The following MYO1F variants were observed in gnomAD, a reference collection of about 807,000 sequenced individuals.
MYO1F encodes unconventional myosin-If.
A neutral mutation model predicts 146.6 loss-of-function variants in MYO1F; 60 were observed. The ratio of observed to expected loss-of-function variants is 0.41; its 90% confidence interval spans 0.33 to 0.51. The LOEUF (loss-of-function observed/expected upper bound fraction) is 0.51, where lower values mean the gene tolerates loss of function less well. Ranked by LOEUF, MYO1F falls within the 20% of genes least tolerant of loss-of-function variation. The pLI is 0.25. For synonymous variants in MYO1F, 602 were observed against 602.1 expected (o/e 1.00, Z 0.00); for missense variants, 1,274 against 1,534.3 (o/e 0.83, Z 2.83).
intron 1 of MYO1F, among the ~76,000 whole-genome samples, chr19:8,559,396 A>G (rs1006012679): frequency 6.6e-6 from 1 of 151,396 alleles, no homozygotes; most frequent in Non-Finnish European, 1.5e-5. Context: ...TGACAGTTAG[A>G]GGTTGTTGAG....
At chr19:8,550,459 T>G (rs1973556807) in intron 9 of MYO1F, 103 bp from the exon 10 acceptor site, 1 of 1,600,428 alleles carries the variant, frequency 6.2e-7, no homozygotes, top group Non-Finnish European at 8.5e-7. Context: ...GACACCCACA[T>G]TTTTTTCCTC....
chr19:8,572,269 A>AT (rs35723384), intron 1 of MYO1F, among the ~76,000 whole-genome samples: 101,566 of 150,548 alleles, frequency 0.67, 34,789 homozygotes, highest in African/African-American at 0.78. Context: ...AATTATGGGC[A>AT]TTTTTTTTTC....
In MYO1F at chr19:8,569,230, C is replaced by G. The variant is rs115484482; in HGVS notation, c.3+8077G>C. ...GTCAAAACTGTTTGTTTGTAAGTCT[C>G]TTCCTTGGGGGTGGGGATGCAACGA... is the stretch of plus-strand genomic sequence containing the variant. On this transcript the variant is annotated intron_variant, in intron 1 of 27. Transcript: ENST00000644032. Among the ~76,000 whole-genome samples, 893 of 152,228 alleles carry G rather than the reference C, an allele frequency of 5.9e-3. 11 individuals carry two copies. Among genetic ancestry groups the G allele is most frequent in the African/African-American group, 0.02 (836 of 41,556 alleles).
chr19:8,523,439 C>T (rs1190747181), intron 25 of MYO1F, among the ~76,000 whole-genome samples: 1 of 152,116 alleles, frequency 6.6e-6, no homozygotes, highest in African/African-American at 2.4e-5. Flanking sequence ...ACCTCCTGGG[C>T]TCAAGCAATC....
At chr19:8,553,074 G>GGT (rs1276665094) in intron 6 of MYO1F, 65 bp downstream of exon 6, 3 of 1,409,656 alleles carry the variant, frequency 2.1e-6, no homozygotes, top group East Asian at 2.3e-5. Flanking sequence ...TGTATGTGTG[G>GGT]GTGTGTGTGT....
At chr19:8,533,377 C>T (rs868679250) in intron 19 of MYO1F, among the ~76,000 whole-genome samples, 64 of 132,922 alleles carry the variant, frequency 4.8e-4, no homozygotes, top group Middle Eastern at 5.9e-3. Context: ...TTTTTTGAGA[C>T]GGAGTCTTGC....
At chr19:8,523,261 C>T (rs1052791645) in intron 25 of MYO1F, among the ~76,000 whole-genome samples, 1 of 152,092 alleles carries the variant, frequency 6.6e-6, no homozygotes, top group African/African-American at 2.4e-5. Context: ...TCTCGATCTC[C>T]TGACCTTGTG....
chr19:8,529,883 C>A, intron 21 of MYO1F: 1 of 527,622 alleles, frequency 1.9e-6, no homozygotes, highest in Non-Finnish European at 3.5e-6. Flanking sequence ...GGGATAGATA[C>A]CTGTGGGCAG....
At chr19:8,526,685 C>T (rs1326244055) in intron 23 of MYO1F, 84 bp from the exon 24 acceptor site, 6 of 1,537,018 alleles carry the variant, frequency 3.9e-6, no homozygotes, top group East Asian at 2.4e-5. Flanking sequence ...AGGGGCGGGG[C>T]CGCGGCCGGG....
intron 1 of MYO1F, among the ~76,000 whole-genome samples, chr19:8,566,795 T>C (rs1344706369): frequency 1.3e-5 from 2 of 151,642 alleles, no homozygotes; most frequent in African/African-American, 2.4e-5. Flanking sequence ...ATTACAAGCA[T>C]GAGCCACCAT....
At chr19:8,551,373 A>ATGTT (rs1973603439) in intron 8 of MYO1F, 1 of 89,878 alleles carries the variant, frequency 1.1e-5, no homozygotes. Context: ...TTTTTTTGAG[A>ATGTT]TGTAGTCTCA....
intron 11 of MYO1F, 34 bp from the exon 12 acceptor site, chr19:8,548,156 G>A (rs1973449948): frequency 6.2e-7 from 1 of 1,613,278 alleles, no homozygotes. Flanking sequence ...TTCCCTCAAT[G>A]TCCTGGTGCT....
chr19:8,562,475 G>C (rs1293174362), intron 1 of MYO1F, among the ~76,000 whole-genome samples: 1 of 151,960 alleles, frequency 6.6e-6, no homozygotes, highest in Admixed American at 6.6e-5. Flanking sequence ...GCCCAGCTGG[G>C]AGATTTTAGT....
rs1183292416 is a variant in MYO1F at position 8,574,530 on chromosome 19, CCTTTCTTTCTTT to C, written c.3+2765_3+2776del. Among the ~76,000 whole-genome samples, 22 of 119,108 alleles carry C rather than the reference CCTTTCTTTCTTT, an allele frequency of 1.8e-4. No homozygotes were observed. The South Asian group carries it at 2.7e-3, about 14-fold the overall frequency. The allele number at this position is 119,108 out of a possible 152,430, so 78.1% of individuals were successfully genotyped here. On this transcript the variant is annotated intron_variant, in intron 1 of 27. Transcript: ENST00000644032. ...CTTTTCCTTTATTTCTTCTTTTTTC[CCTTTCTTTCTTT>C]CTTTCTTTCTTTCTTTCTTTCTTTC...
chr19:8,543,858 C>G (rs59243818), intron 14 of MYO1F, among the ~76,000 whole-genome samples: 35 of 10,676 alleles, frequency 3.3e-3, no homozygotes, highest in East Asian at 4.5e-3. Flanking sequence ...GGTGGTGGTG[C>G]TGGTGGTGCT....
chr19:8,561,684 C>T (rs1250640705), intron 1 of MYO1F, among the ~76,000 whole-genome samples: 1 of 143,000 alleles, frequency 7.0e-6, no homozygotes, highest in African/African-American at 2.6e-5. Context: ...CTTCCCTTCC[C>T]TTTTCCTTCC....
intron 15 of MYO1F, among the ~76,000 whole-genome samples, chr19:8,541,111 G>T (rs1197477462): frequency 6.6e-6 from 1 of 151,998 alleles, no homozygotes; most frequent in African/African-American, 2.4e-5. Flanking sequence ...AGCCTCCCGA[G>T]TAGCTGGGAC....
rs1401152015 is a variant in MYO1F at position 8,530,249 on chromosome 19, T to G, written c.2275A>C (p.Arg759=). The stretch of plus-strand genomic sequence containing the variant: ...GAATCGGCGAAGTCCACCCGCTCCC[T>G]CTTGCCCAGGAACTGACGCAGCTCG... ...RPELRQFLGK[R]ERVDFADSVT... The change falls in exon 21 of 28, where the codon AGG becomes CGG. Residue 759 remains arginine, a synonymous_variant. Transcript: ENST00000644032. This position sits in a 1 kb window ranked among gnomAD's most constrained non-coding sequence, Gnocchi z 5.8. The G allele has an allele frequency of 1.9e-6, 3 of 1,613,982 alleles. No homozygotes were observed. Among genetic ancestry groups the G allele is most frequent in the Non-Finnish European group, 2.5e-6 (3 of 1,180,012 alleles).
chr19:8,570,393 G>A (rs1488885555), intron 1 of MYO1F, among the ~76,000 whole-genome samples: 2 of 150,396 alleles, frequency 1.3e-5, no homozygotes, highest in African/African-American at 4.9e-5. Flanking sequence ...TATTTGAGAT[G>A]GAGTCTCGCT....
Sources: gnomAD v4.1 joint callset for allele counts (sites outside exome capture counted in the v4.1 genomes callset) on GRCh38, gnomAD v4.1.1 for gene constraint, Gnocchi (gnomAD v3.1) non-coding constraint, MANE v1.5 for transcripts, NCBI Gene and HGNC (gene_info 2026-07-23, HGNC 2026-07-21) for gene names.